The following FSTL4 variants were observed in gnomAD, a reference collection of about 807,000 sequenced individuals.
FSTL4 encodes the protein follistatin-related protein 4.
Under a neutral mutation model 78.2 loss-of-function variants are expected in FSTL4, and 28 were observed. The observed-to-expected ratio is 0.36, with a 90% CI of 0.27 to 0.49. FSTL4 has a LOEUF of 0.49. FSTL4 is among the 20% of genes least tolerant of loss of function. The probability of loss-of-function intolerance (pLI) is 0.98; values close to 1 mark genes in which losing one functional copy is unlikely to be tolerated. For synonymous variants in FSTL4, 422 were observed against 440.5 expected, an observed-to-expected ratio of 0.96 and a Z score of 0.53; for missense variants, 922 against 1,084.9, an observed-to-expected ratio of 0.85 and a Z score of 2.11.
chr5:133,452,134 G>A (rs897814231), intron 3 of FSTL4, among the ~76,000 whole-genome samples: 5 of 152,220 alleles, frequency 3.3e-5, no homozygotes, highest in Non-Finnish European at 5.9e-5. Flanking sequence ...CTCCCAACTT[G>A]GCAGAAGAGC....
chr5:133,368,068 GC>G (rs1421837539), intron 4 of FSTL4, among the ~76,000 whole-genome samples: 5 of 152,268 alleles, frequency 3.3e-5, no homozygotes, highest in African/African-American at 1.2e-4. Context: ...TTTGCCCCCT[GC>G]CCCTGGGAGG....
the FSTL4 span, among the ~76,000 whole-genome samples, chr5:133,830,120 T>C: frequency 1.3e-5 from 2 of 152,182 alleles, no homozygotes; most frequent in Admixed American, 6.5e-5. Flanking sequence ...CTCACATCAG[T>C]GGACAAATGG....
the FSTL4 span, among the ~76,000 whole-genome samples, chr5:133,815,775 G>A: frequency 1.3e-5 from 2 of 152,130 alleles, no homozygotes; most frequent in Non-Finnish European, 2.9e-5. Context: ...TTATCCACAG[G>A]CGGGAAAGTT....
Position 133,338,089 on chromosome 5 carries a change from C to G in FSTL4, c.410-21437G>C, listed in dbSNP as rs535418717. Among the ~76,000 whole-genome samples, 2 of 152,278 alleles carry G rather than the reference C, an allele frequency of 1.3e-5. No individual in the cohort carries two copies. The highest frequency in any genetic ancestry group is 4.1e-4 in the South Asian group (2 of 4,822). ...TGTATCCGAGTGTGAGCTTAACTCT[C>G]TGGGTCCCTGGTGTGCACATAGGTC... On this transcript the variant is annotated intron_variant, in intron 4 of 15. Transcript: ENST00000265342. The surrounding 1 kb of genome is among the most constrained non-coding windows in gnomAD (Gnocchi z 4.0).
intron 6 of FSTL4, among the ~76,000 whole-genome samples, chr5:133,266,952 C>T (rs878048): frequency 0.18 from 27,121 of 152,178 alleles, 7,491 homozygotes; most frequent in African/African-American, 0.59. Context: ...AGGATGTGCA[C>T]GTCGCTGCCC....
At chr5:133,249,747 G>A (rs549676826) in intron 6 of FSTL4, among the ~76,000 whole-genome samples, 171 bp from the exon 7 acceptor site, 57 of 152,262 alleles carry the variant, frequency 3.7e-4, no homozygotes, top group Non-Finnish European at 6.8e-4. Context: ...CACTTTTGCT[G>A]GGCGAGGAGC....
At chr5:133,660,672 A>C in the FSTL4 span, among the ~76,000 whole-genome samples, 1 of 152,200 alleles carries the variant, frequency 6.6e-6, no homozygotes, top group Non-Finnish European at 1.5e-5. Context: ...GGGTGACTGC[A>C]GACTGATGTC....
intron 2 of FSTL4, among the ~76,000 whole-genome samples, chr5:133,582,419 C>T (rs950361981): frequency 6.6e-6 from 1 of 152,170 alleles, no homozygotes. Flanking sequence ...AAAGAGCACT[C>T]AGTATCTGGT....
chr5:133,283,241 T>C (rs934048060), intron 6 of FSTL4, among the ~76,000 whole-genome samples: 4 of 127,742 alleles, frequency 3.1e-5, no homozygotes, highest in South Asian at 2.8e-4. Context: ...AAGCCTAGCG[T>C]GTGTGTGTGT....
chr5:133,781,365 TTG>T, the FSTL4 span, among the ~76,000 whole-genome samples: 14,122 of 143,060 alleles, frequency 0.099, 757 homozygotes, highest in African/African-American at 0.15. Flanking sequence ...TGTTAAGCGG[TTG>T]TGTGTGTGTG....
chr5:133,569,086 G>A (rs1443954878), intron 2 of FSTL4, among the ~76,000 whole-genome samples: 1 of 151,860 alleles, frequency 6.6e-6, no homozygotes, highest in African/African-American at 2.4e-5. Context: ...ATATTTGATG[G>A]CAATTTAAAA....
chr5:133,753,120 G>A, the FSTL4 span, among the ~76,000 whole-genome samples: 1 of 152,174 alleles, frequency 6.6e-6, no homozygotes, highest in South Asian at 2.1e-4. Flanking sequence ...AAGTCTTTTT[G>A]TGGTCAAGAC....
At chr5:133,541,511 G>A (rs1011018258) in intron 3 of FSTL4, among the ~76,000 whole-genome samples, 2 of 152,298 alleles carry the variant, frequency 1.3e-5, no homozygotes, top group South Asian at 2.1e-4. Context: ...GGTTCAAGAC[G>A]AGGGGACATA....
At chr5:133,317,122 G>A (rs1561669254) in intron 4 of FSTL4, among the ~76,000 whole-genome samples, 3 of 151,772 alleles carry the variant, frequency 2.0e-5, no homozygotes, top group East Asian at 1.9e-4. Context: ...GGACTAATAA[G>A]CCCTGCTTAT....
chr5:133,447,559 A>C (rs1757294599), intron 3 of FSTL4, among the ~76,000 whole-genome samples: 1 of 151,686 alleles, frequency 6.6e-6, no homozygotes, highest in Non-Finnish European at 1.5e-5. Context: ...TTTTTTTTTG[A>C]GACTGAGTCT....
In FSTL4 at chr5:133,313,905, G is replaced by A. The variant is rs568562352; in HGVS notation, c.604-1128C>T. 5.3e-5 allele frequency among the ~76,000 whole-genome samples: 8 copies of A among 152,246 alleles called. No individual in the cohort carries two copies. In the South Asian group the frequency reaches 1.5e-3, roughly 28 times the overall value. On this transcript the variant is annotated intron_variant, in intron 5 of 15. Transcript: ENST00000265342. ...ACCTTTGATTCAGTGTCAAGGAAAG[G>A]CCCACTTTAGCCGGGCTCTGCTTGG... is the stretch of plus-strand genomic sequence containing the variant.
chr5:133,636,448 G>A, the FSTL4 span, among the ~76,000 whole-genome samples: 5 of 152,268 alleles, frequency 3.3e-5, no homozygotes, highest in Non-Finnish European at 5.9e-5. Flanking sequence ...GTCCAGTGCT[G>A]GGTCTGATTC....
At chr5:133,422,784 A>G (rs1368753330) in intron 3 of FSTL4, among the ~76,000 whole-genome samples, 1 of 152,246 alleles carries the variant, frequency 6.6e-6, no homozygotes, top group Non-Finnish European at 1.5e-5. Flanking sequence ...GTAATTTGTG[A>G]AATTTAACAA....
chr5:133,806,363 C>T, the FSTL4 span, among the ~76,000 whole-genome samples: 1 of 152,220 alleles, frequency 6.6e-6, no homozygotes, highest in African/African-American at 2.4e-5. Context: ...CAGATAGGCA[C>T]TCAATTACAG....
Sources: allele counts gnomAD v4.1 joint callset (sites outside exome capture counted in the v4.1 genomes callset), GRCh38; gene constraint gnomAD v4.1.1; non-coding constraint Gnocchi (gnomAD v3.1); transcripts MANE v1.5; gene names NCBI Gene and HGNC (gene_info 2026-07-23, HGNC 2026-07-21).